Variants in TMC5 observed in about 807,000 individuals in gnomAD.
TMC5 encodes transmembrane channel like 5.
In TMC5, 86 loss-of-function variants were observed where a neutral mutation model predicts 110.5. That is an observed-to-expected ratio of 0.78 (90% CI 0.65 to 0.93). The LOEUF is 0.93. Ranked by LOEUF, TMC5 falls within the 40% of genes least tolerant of loss-of-function variation. TMC5 has a pLI of 0.00. For missense variants in TMC5, 1,144 were observed against 1,222.8 expected, an observed-to-expected ratio of 0.94 and a Z score of 0.96; for synonymous variants, 455 against 439.5, an observed-to-expected ratio of 1.04 and a Z score of -0.44.
intron 19 of TMC5, among the ~76,000 whole-genome samples, chr16:19,493,401 C>T (rs1968965158): frequency 6.6e-6 from 1 of 151,574 alleles, no homozygotes; most frequent in Admixed American, 6.6e-5. Context: ...TAGAACTGCA[C>T]AAATCAGGAT....
chr16:19,487,186 T>C lies in TMC5; in HGVS notation c.2440-7T>C, dbSNP rs1165330192. ...CAGATGGGAGGTGGCTGCCTCTCTC[T>C]CTTCAGATCAGCCTGATGATGAATT... is the stretch of plus-strand genomic sequence containing the variant. On this transcript the variant is annotated splice_region_variant and splice_polypyrimidine_tract_variant and intron_variant, in intron 16 of 21. Coordinates refer to ENST00000542583, the MANE Select transcript of TMC5 (RefSeq NM_001261841.2). The C allele has an allele frequency of 2.5e-6, 4 of 1,610,152 alleles. No homozygotes were observed. In the Admixed American group the frequency reaches 6.7e-5, roughly 27 times the overall value.
chr16:19,459,997 G>A (rs1036381126), intron 5 of TMC5, among the ~76,000 whole-genome samples: 2 of 149,402 alleles, frequency 1.3e-5, no homozygotes, highest in African/African-American at 2.5e-5. Flanking sequence ...AATGTTTTTT[G>A]TTACAGGAAA....
At chr16:19,451,661 G>A (rs1009594411) in intron 5 of TMC5, among the ~76,000 whole-genome samples, 3 of 152,028 alleles carry the variant, frequency 2.0e-5, no homozygotes, top group African/African-American at 4.8e-5. Flanking sequence ...AGCAGACATC[G>A]CTGGGTATCC....
intron 9 of TMC5, among the ~76,000 whole-genome samples, chr16:19,467,360 G>A (rs984478156): frequency 6.6e-6 from 1 of 152,078 alleles, no homozygotes; most frequent in Non-Finnish European, 1.5e-5. Context: ...TCTCCTGCCT[G>A]TGTCTTCACA....
chr16:19,484,557 T>C (rs936311495), intron 15 of TMC5, among the ~76,000 whole-genome samples: 1 of 151,002 alleles, frequency 6.6e-6, no homozygotes, highest in Non-Finnish European at 1.5e-5. Context: ...AGGTCAGGAG[T>C]TCAAGACCAG....
intron 17 of TMC5, among the ~76,000 whole-genome samples, chr16:19,488,168 A>G (rs1250460137): frequency 6.6e-6 from 1 of 152,130 alleles, no homozygotes; most frequent in Non-Finnish European, 1.5e-5. Flanking sequence ...AAGCTAGCCC[A>G]GGGAAGGGCA....
At chr16:19,453,890 A>T (rs1437333615) in intron 5 of TMC5, among the ~76,000 whole-genome samples, 1 of 152,196 alleles carries the variant, frequency 6.6e-6, no homozygotes, top group Non-Finnish European at 1.5e-5. Flanking sequence ...TTCATTTATG[A>T]ATGAATATTT....
intron 9 of TMC5, among the ~76,000 whole-genome samples, chr16:19,468,252 G>A (rs1477667790): frequency 6.6e-6 from 1 of 152,156 alleles, no homozygotes; most frequent in African/African-American, 2.4e-5. Context: ...TGGGATTATA[G>A]GTGTTAGCCA....
At chr16:19,439,334 T>C (rs1390637389) in intron 2 of TMC5, among the ~76,000 whole-genome samples, 5 of 152,202 alleles carry the variant, frequency 3.3e-5, no homozygotes, top group Non-Finnish European at 5.9e-5. Flanking sequence ...TCTTCTTTTA[T>C]GCACTTATAT....
chr16:19,482,503 C>T (rs988830045), intron 15 of TMC5, among the ~76,000 whole-genome samples: 4 of 152,216 alleles, frequency 2.6e-5, no homozygotes, highest in Admixed American at 2.6e-4. Context: ...GGCTTCTCTC[C>T]ACAAAGATCT....
Position 19,443,632 on chromosome 16 carries a change from G to C in TMC5, c.789-449G>C, listed in dbSNP as rs76042989. Among the ~76,000 whole-genome samples the C allele has an allele frequency of 2.0e-5, 3 of 152,128 alleles. No individual in the cohort carries two copies. The South Asian group carries it at 6.2e-4, about 32-fold the overall frequency. The stretch of plus-strand genomic sequence containing the variant: ...CACCTTCTAGCCCATGCCTAACTCA[G>C]GGTTGGCATTTAGTCTGCATTTGTG... On this transcript the variant is annotated intron_variant, in intron 3 of 21. Transcript: ENST00000542583.
chr16:19,465,005 T>G (rs527589187), intron 8 of TMC5, among the ~76,000 whole-genome samples: 62 of 25,812 alleles, frequency 2.4e-3, no homozygotes, highest in East Asian at 6.2e-3. Context: ...CCTTTTGTCT[T>G]TCTTTCTTTC....
At chr16:19,453,476 C>T (rs1324251904) in intron 5 of TMC5, among the ~76,000 whole-genome samples, 2 of 151,882 alleles carry the variant, frequency 1.3e-5, no homozygotes, top group Non-Finnish European at 2.9e-5. Flanking sequence ...GTGATCCCAG[C>T]TACTCAGGAG....
At chr16:19,439,534 C>G (rs867631786) in intron 2 of TMC5, among the ~76,000 whole-genome samples, 2 of 152,178 alleles carry the variant, frequency 1.3e-5, no homozygotes, top group African/African-American at 4.8e-5. Context: ...TTTTATTTCT[C>G]TCTCACATAA....
At chr16:19,436,988 C>T (rs750379615) in intron 2 of TMC5, among the ~76,000 whole-genome samples, 1 of 152,184 alleles carries the variant, frequency 6.6e-6, no homozygotes, top group East Asian at 1.9e-4. Context: ...CCAGCCTGGG[C>T]AACATAGAGA....
At chr16:19,474,991 T>A (rs1188768186) in intron 12 of TMC5, 1 of 152,232 alleles carries the variant, frequency 6.6e-6, no homozygotes, top group African/African-American at 2.4e-5. Flanking sequence ...ATGGGGTGCC[T>A]TTTTGTGATT....
chr16:19,456,497 A>G, intron 5 of TMC5: 2 of 1,283,752 alleles, frequency 1.6e-6, no homozygotes, highest in Non-Finnish European at 9.9e-7. Flanking sequence ...AAAACTCCTC[A>G]GGGGTTAGAT....
chr16:19,465,457 C>A (rs1002379201), intron 8 of TMC5, among the ~76,000 whole-genome samples: 1 of 152,004 alleles, frequency 6.6e-6, no homozygotes, highest in Non-Finnish European at 1.5e-5. Flanking sequence ...ATTGCTTGAA[C>A]CCGGGAGGTT....
upstream of TMC5, among the ~76,000 whole-genome samples, chr16:19,416,313 A>T (rs1597151574): frequency 6.6e-6 from 1 of 152,070 alleles, no homozygotes; most frequent in East Asian, 1.9e-4. Flanking sequence ...TAGGAAACAG[A>T]TTTTGTTTGT....
Sources: gnomAD v4.1 joint callset for allele counts (sites outside exome capture counted in the v4.1 genomes callset) on GRCh38, gnomAD v4.1.1 for gene constraint, MANE v1.5 for transcripts, NCBI Gene and HGNC (gene_info 2026-07-23, HGNC 2026-07-21) for gene names.